The following SMC6 variants were observed in gnomAD, a reference collection of about 807,000 sequenced individuals.
The protein encoded by SMC6 is structural maintenance of chromosomes protein 6.
A neutral mutation model predicts 142.2 loss-of-function variants in SMC6; 79 were observed. The ratio of observed to expected loss-of-function variants is 0.56; its 90% CI spans 0.46 to 0.67. SMC6 has a LOEUF of 0.67. Among genes scored for constraint, SMC6 ranks in the 30% least tolerant of loss-of-function variants. The probability of loss-of-function intolerance (pLI) is 0.00; values close to 1 mark genes in which losing one functional copy is unlikely to be tolerated. For synonymous variants in SMC6, 411 were observed against 412.4 expected, an observed-to-expected ratio of 1.00 and a Z score of 0.04; for missense variants, 1,072 against 1,284.0, an observed-to-expected ratio of 0.83 and a Z score of 2.52.
chr2:17,674,684 C>A (rs1036627049), intron 25 of SMC6, among the ~76,000 whole-genome samples: 3 of 152,104 alleles, frequency 2.0e-5, no homozygotes, highest in African/African-American at 7.2e-5. Flanking sequence ...TTTTAGTTCT[C>A]CCAATTTTTA....
At position 17,722,655 on chromosome 2, in the gene SMC6, A is replaced by C. The variant is rs183144732; in HGVS notation, c.727-1394T>G. ...TCATCTATGAAGATTATGTCATTAAATACAGTGAGTTTTGTCAATTCATGT... is the reference window on the plus strand; with the variant it reads ...TCATCTATGAAGATTATGTCATTAACTACAGTGAGTTTTGTCAATTCATGT... On this transcript the variant is annotated intron_variant, in intron 9 of 27. Coordinates refer to ENST00000448223, the MANE Select transcript of SMC6 (RefSeq NM_001142286.2). Among the ~76,000 whole-genome samples, 3 of 152,316 alleles carry C rather than the reference A, an allele frequency of 2.0e-5. No individual in the cohort carries two copies. The East Asian group carries it at 5.8e-4, about 29-fold the overall frequency.
At chr2:17,697,615 T>C (rs893298349) in intron 21 of SMC6, among the ~76,000 whole-genome samples, 1 of 151,882 alleles carries the variant, frequency 6.6e-6, no homozygotes, top group Non-Finnish European at 1.5e-5. Flanking sequence ...GTATTAGCCA[T>C]AAGGAAAATG....
chr2:17,713,359 C>T, intron 16 of SMC6: 15 of 406,384 alleles, frequency 3.7e-5, no homozygotes, highest in South Asian at 2.7e-4. Context: ...ACTCCTGAGG[C>T]CCTTGTTCTC....
rs1669925510 is a variant in SMC6, at chr2:17,731,783, T to C, written c.439A>G (p.Ser147Gly). 6.2e-7 allele frequency: 1 copy of C among 1,613,756 alleles called. No homozygotes were observed. Among genetic ancestry groups the C allele is most frequent in the Non-Finnish European group, 8.5e-7 (1 of 1,179,870 alleles). The change falls in exon 6 of 28, where the codon AGC becomes GGC. Residue 147 changes from serine to glycine, a missense_variant. This residue lies in a region of SMC6 where 994 missense variants were observed against 1,153.2 expected (regional missense o/e 0.86). Transcript: ENST00000448223. ...GNSILIQQHI[S>G]IDGSRSYKLK... Reference sequence around the variant, plus strand: ...TTATAAGATCGACTTCCATCTATGCTGATGTGTTGCTGTATAAGTATAGAG... The same window carrying C: ...TTATAAGATCGACTTCCATCTATGCCGATGTGTTGCTGTATAAGTATAGAG...
intron 13 of SMC6, 66 bp downstream of exon 13, chr2:17,717,022 C>A: frequency 6.5e-7 from 1 of 1,528,376 alleles, no homozygotes. Context: ...TATAATACTC[C>A]AATGCATCTA....
intron 5 of SMC6, among the ~76,000 whole-genome samples, chr2:17,736,994 T>C (rs1670188926): frequency 6.6e-6 from 1 of 152,180 alleles, no homozygotes; most frequent in South Asian, 2.1e-4. Flanking sequence ...AAATAACTAA[T>C]TTTTTGCTAC....
At chr2:17,707,403 T>C (rs531944134) in intron 17 of SMC6, 24 bp from the exon 18 acceptor site, 1 of 1,405,398 alleles carries the variant, frequency 7.1e-7, no homozygotes, top group Non-Finnish European at 9.3e-7. Flanking sequence ...AGAAAATAAA[T>C]TTTTTAAGAC....
At chr2:17,715,998 T>A in intron 15 of SMC6, 88 bp downstream of exon 15, 3 of 1,114,214 alleles carry the variant, frequency 2.7e-6, no homozygotes, top group Non-Finnish European at 3.6e-6. Flanking sequence ...AATGAAATCA[T>A]TTTATTTCGA....
chr2:17,743,939 A>G (rs113242313), intron 3 of SMC6, among the ~76,000 whole-genome samples: 3 of 152,324 alleles, frequency 2.0e-5, no homozygotes, highest in African/African-American at 7.2e-5. Flanking sequence ...CTAATAGTGC[A>G]TCGTCTGGAT....
rs10540609 is a variant in SMC6 at position 17,707,997 on chromosome 2, TACACACACAC to T, written c.1846-628_1846-619del. Among the ~76,000 whole-genome samples, 32 of 148,608 alleles carry T rather than the reference TACACACACAC, an allele frequency of 2.2e-4. 1 individual carries two copies. The highest frequency in any genetic ancestry group is 4.7e-4 in the African/African-American group (19 of 40,774). ...ATGAACATATGTATATGTATATATA[TACACACACAC>T]ACACACACACACACACACATTTGAG... On this transcript the variant is annotated intron_variant, in intron 17 of 27. Transcript: ENST00000448223.
chr2:17,669,112 C>A (rs530332844), intron 26 of SMC6, among the ~76,000 whole-genome samples: 1 of 152,076 alleles, frequency 6.6e-6, no homozygotes, highest in Non-Finnish European at 1.5e-5. Flanking sequence ...AAAGGAGAAG[C>A]GGACAGAGGT....
intron 7 of SMC6, among the ~76,000 whole-genome samples, chr2:17,727,533 A>G (rs960517447): frequency 6.6e-6 from 1 of 152,008 alleles, no homozygotes; most frequent in Non-Finnish European, 1.5e-5. Context: ...ATATACACAC[A>G]CACACATATA....
intron 22 of SMC6, among the ~76,000 whole-genome samples, chr2:17,695,581 G>C (rs998339282): frequency 2.6e-5 from 4 of 152,144 alleles, no homozygotes; most frequent in Admixed American, 1.3e-4. Context: ...GTTACGAAAA[G>C]CTTGCTACCC....
chr2:17,686,621 GTTTA>G (rs1385918118), intron 23 of SMC6, among the ~76,000 whole-genome samples: 1 of 152,166 alleles, frequency 6.6e-6, no homozygotes, highest in African/African-American at 2.4e-5. Flanking sequence ...ACACAATGCA[GTTTA>G]TTTATTCAGT....
intron 7 of SMC6, among the ~76,000 whole-genome samples, chr2:17,727,959 C>CA (rs1368084641): frequency 5.9e-5 from 9 of 152,142 alleles, no homozygotes; most frequent in African/African-American, 2.2e-4. Context: ...AAAGCCCCCC[C>CA]AGCTCTTCAT....
intron 11 of SMC6, among the ~76,000 whole-genome samples, chr2:17,718,833 G>A (rs1669234197): frequency 6.6e-6 from 1 of 152,152 alleles, no homozygotes; most frequent in Non-Finnish European, 1.5e-5. Flanking sequence ...ACAATGAACA[G>A]CTTACAACTT....
chr2:17,726,779 C>G (rs74966685), intron 7 of SMC6, among the ~76,000 whole-genome samples: 2,119 of 152,226 alleles, frequency 0.014, 16 homozygotes, highest in Non-Finnish European at 0.016. Context: ...CACTTCTTAC[C>G]TGCTGTATAG....
In SMC6 at chr2:17,708,628, G is replaced by T; in HGVS notation, c.1845+11C>A. ...ATAACATCAAATACAGCAAAGATCT[G>T]GAGGTCTTACTTTGATTAGTAGCAC... On this transcript the variant is annotated intron_variant, in intron 17 of 27. Coordinates refer to ENST00000448223, the MANE Select transcript of SMC6 (RefSeq NM_001142286.2). 7.3e-7 allele frequency: 1 copy of T among 1,366,148 alleles called. No homozygotes were observed. The highest frequency in any genetic ancestry group is 9.8e-7 in the Non-Finnish European group (1 of 1,015,560). The allele number at this position is 1,366,148 out of a possible 1,614,324, so 84.6% of individuals were successfully genotyped here.
chr2:17,677,126 AT>A (rs1438835994), intron 25 of SMC6, among the ~76,000 whole-genome samples: 1 of 152,000 alleles, frequency 6.6e-6, no homozygotes, highest in African/African-American at 2.4e-5. Flanking sequence ...TTTCTTCCTG[AT>A]CTTAGGGGTA....
Sources: allele counts gnomAD v4.1 joint callset (sites outside exome capture counted in the v4.1 genomes callset), GRCh38; gene constraint gnomAD v4.1.1; regional missense constraint gnomAD v4.1.1; transcripts MANE v1.5; gene names NCBI Gene and HGNC (gene_info 2026-07-23, HGNC 2026-07-21).